Variants in USP2 observed in about 807,000 individuals in gnomAD.
USP2 encodes ubiquitin carboxyl-terminal hydrolase 2.
In USP2, 33 loss-of-function variants were observed where a neutral mutation model predicts 72.0. The ratio of observed to expected loss-of-function variants is 0.46; its 90% CI spans 0.35 to 0.61. The LOEUF is 0.61. Ranked by LOEUF, USP2 falls within the 20% of genes least tolerant of loss-of-function variation. The pLI is 0.01. For synonymous variants in USP2, 296 were observed against 312.5 expected (o/e 0.95, Z 0.56); for missense variants, 691 against 797.8 (o/e 0.87, Z 1.61).
chr11:119,372,501 G>A (rs754407898), intron 2 of USP2, among the ~76,000 whole-genome samples: 2 of 152,234 alleles, frequency 1.3e-5, no homozygotes, highest in East Asian at 3.8e-4. Context: ...GGCCCTGAGT[G>A]GGCTTTCTAG....
chr11:119,363,600 T>G (rs1395265941), intron 2 of USP2, among the ~76,000 whole-genome samples: 1 of 151,748 alleles, frequency 6.6e-6, no homozygotes, highest in Non-Finnish European at 1.5e-5. Flanking sequence ...AGCCACCACC[T>G]GGTGCCGGGG....
chr11:119,359,160 C>A, intron 5 of USP2, 26 bp from the exon 6 acceptor site: 1 of 1,613,412 alleles, frequency 6.2e-7, no homozygotes, highest in South Asian at 1.1e-5. Flanking sequence ...GGAGGGTGAG[C>A]AACACCTCTT....
intron 4 of USP2, 79 bp downstream of exon 4, chr11:119,359,458 A>G: frequency 6.2e-7 from 1 of 1,602,442 alleles, no homozygotes; most frequent in Non-Finnish European, 8.5e-7. Context: ...AGTGTCTAAG[A>G]CACAACACCT....
Position 119,357,580 on chromosome 11 carries a change from C to A in USP2, c.1512G>T (p.Arg504=), listed in dbSNP as rs139873742. The A allele has an allele frequency of 9.9e-6, 16 of 1,614,062 alleles. No homozygotes were observed. The highest frequency in any genetic ancestry group is 1.4e-5 in the Non-Finnish European group (16 of 1,180,048). ...FPKILVLHLK[R]FSESRIRTSK... ...TGGTTCGGATCCTGGATTCTGAGAA[C>A]CGCTTCAGATCTGGCATTGACGTGA... Residue 504 remains arginine (R), a synonymous_variant, in exon 11 of 13, where the codon CGG becomes CGT. Coordinates refer to ENST00000260187, the MANE Select transcript of USP2 (RefSeq NM_004205.5).
Position 119,356,640 on chromosome 11 carries a change from G to T in USP2, c.*195C>A. ...CCACGTCCAGGCGATCTTCCCTGCCGGGCCACAGCTCAGGAAAGCCCGGCT... is the reference window on the plus strand; with the variant it reads ...CCACGTCCAGGCGATCTTCCCTGCCTGGCCACAGCTCAGGAAAGCCCGGCT... On this transcript the variant is annotated 3_prime_UTR_variant, in exon 13 of 13. Coordinates refer to ENST00000260187, the MANE Select transcript of USP2 (RefSeq NM_004205.5). 2 of 577,486 alleles carry T rather than the reference G, an allele frequency of 3.5e-6. No homozygotes were observed. The highest frequency in any genetic ancestry group is 5.9e-6 in the Non-Finnish European group (2 of 336,314). 35.8% of individuals were successfully genotyped at this position (577,486 alleles called of 1,614,324 possible).
intron 11 of USP2, 38 bp downstream of exon 11, chr11:119,357,445 G>T: frequency 1.2e-6 from 2 of 1,613,206 alleles, no homozygotes; most frequent in Non-Finnish European, 1.7e-6. Context: ...TTGCACACCT[G>T]CGTCTTCATT....
At chr11:119,364,058 G>A (rs935045659) in intron 2 of USP2, 2 of 1,274,036 alleles carry the variant, frequency 1.6e-6, no homozygotes, top group Non-Finnish European at 9.9e-7. Context: ...CGCGGGGGGA[G>A]TCCCCGCGCG....
chr11:119,364,207 C>T (rs917664813), intron 2 of USP2: 1 of 1,141,946 alleles, frequency 8.8e-7, no homozygotes. Flanking sequence ...CTCCGGCCGA[C>T]TGGCGGCCCC....
chr11:119,363,950 C>T, intron 2 of USP2: 1 of 108,716 alleles, frequency 9.2e-6, no homozygotes, highest in Non-Finnish European at 1.5e-5. Flanking sequence ...GGAAAGGGGG[C>T]GGCGGGGGGG....
chr11:119,375,951 A>G (rs970928201), intron 1 of USP2, among the ~76,000 whole-genome samples: 1 of 152,078 alleles, frequency 6.6e-6, no homozygotes, highest in African/African-American at 2.4e-5. Context: ...GAGGGCTCCC[A>G]AATCCCCACT....
chr11:119,361,690 A>C (rs1290882966), intron 2 of USP2, among the ~76,000 whole-genome samples: 1 of 152,144 alleles, frequency 6.6e-6, no homozygotes, highest in Non-Finnish European at 1.5e-5. Context: ...CCCACAAGTA[A>C]GAGGATCCCT....
chr11:119,359,495 C>A, intron 4 of USP2, 42 bp downstream of exon 4: 2 of 1,611,136 alleles, frequency 1.2e-6, no homozygotes, highest in South Asian at 1.1e-5. Flanking sequence ...AGTGGAGGAG[C>A]ATCCGGGGGT....
chr11:119,363,779 G>A (rs1950804960), intron 2 of USP2: 1 of 1,223,360 alleles, frequency 8.2e-7, no homozygotes, highest in Non-Finnish European at 1.1e-6. Flanking sequence ...GGCGCGTGGC[G>A]GGCAGAGGCC....
chr11:119,365,546 C>A (rs988361789), intron 2 of USP2, among the ~76,000 whole-genome samples: 2 of 152,196 alleles, frequency 1.3e-5, no homozygotes, highest in African/African-American at 4.8e-5. Flanking sequence ...TTTCTCCAAG[C>A]CTCCTTTCCA....
Position 119,356,930 on chromosome 11 carries a change from G to A in USP2, c.1731-8C>T, listed in dbSNP as rs1399509352. 1 of 1,554,342 alleles carries A rather than the reference G, an allele frequency of 6.4e-7. No homozygotes were observed. Among genetic ancestry groups the A allele is most frequent in the Non-Finnish European group, 8.7e-7 (1 of 1,149,490 alleles). On this transcript the variant is annotated splice_polypyrimidine_tract_variant and splice_region_variant and intron_variant, in intron 12 of 12. Coordinates refer to ENST00000260187, the MANE Select transcript of USP2 (RefSeq NM_004205.5). ...GAGGACATGGGAGTGACGCTGCGGA[G>A]AGAGCGGGGAGTCAGCCCGGAGCGG...
intron 7 of USP2, 144 bp from the exon 8 acceptor site, chr11:119,358,396 A>C (rs751682310): frequency 1.6e-4 from 117 of 748,112 alleles, no homozygotes; most frequent in Non-Finnish European, 2.2e-4. Context: ...AGCTCACAAC[A>C]ACCTCTGCCT....
In USP2 at chr11:119,373,406, C is replaced by T. The variant is rs140149067; in HGVS notation, c.75G>A (p.Ser25=). ...ARYTDAHYAK[S]GYGAYTPSSY... is the part of the protein sequence containing the mutation. ...AGGACGGGGTGTAGGCACCATAGCC[C>T]GACTTGGCATAGTGGGCATCTGTGT... The change falls in exon 2 of 13, where the codon TCG becomes TCA. Residue 25 remains serine, a synonymous_variant. Transcript: ENST00000260187. 2.1e-4 allele frequency: 340 copies of T among 1,606,856 alleles called. No homozygotes were observed. Among genetic ancestry groups the T allele is most frequent in the African/African-American group, 7.6e-4 (57 of 75,002 alleles).
chr11:119,381,350 C>T (rs919419226), intron 1 of USP2, 123 bp downstream of exon 1: 1 of 1,091,928 alleles, frequency 9.2e-7, no homozygotes. Flanking sequence ...GCACAGCCGG[C>T]TCTCTCCCTA....
Position 119,355,522 on chromosome 11 carries a change from A to G in USP2, c.*1313T>C, listed in dbSNP as rs1950637260. The stretch of plus-strand genomic sequence containing the variant: ...TGTAGGGCAAAATTGAGCCCACAGG[A>G]AAGAACCATACAACTGAGGCAAGAT... On this transcript the variant is annotated 3_prime_UTR_variant, in exon 13 of 13. Transcript: ENST00000260187. 1 of 152,324 alleles carries G rather than the reference A, an allele frequency of 6.6e-6. No individual in the cohort carries two copies. The highest frequency in any genetic ancestry group is 2.1e-4 in the South Asian group (1 of 4,836). The allele number at this position is 152,324 out of a possible 1,614,324, so 9.4% of individuals were successfully genotyped here.
Sources: allele counts gnomAD v4.1 joint callset (sites outside exome capture counted in the v4.1 genomes callset), GRCh38; gene constraint gnomAD v4.1.1; transcripts MANE v1.5; gene names NCBI Gene and HGNC (gene_info 2026-07-23, HGNC 2026-07-21).